The following MAGI2 variants were observed in gnomAD, a reference collection of about 807,000 sequenced individuals.
MAGI2 encodes membrane associated guanylate kinase, WW and PDZ domain containing 2, also known as membrane-associated guanylate kinase, WW and PDZ domain-containing protein 2.
A neutral mutation model predicts 133.3 loss-of-function variants in MAGI2; 35 were observed. That is an observed-to-expected ratio of 0.26 (90% CI 0.20 to 0.35). The LOEUF is 0.35. MAGI2 is among the 10% of genes least tolerant of loss of function. The probability of loss-of-function intolerance (pLI) is 1.00; values close to 1 mark genes in which losing one functional copy is unlikely to be tolerated. For missense variants in MAGI2, 1,636 were observed against 1,863.4 expected (o/e 0.88, Z 2.25); for synonymous variants, 729 against 710.6 (o/e 1.03, Z -0.41).
At chr7:79,219,733 AT>A (rs1233401950) in intron 1 of MAGI2, among the ~76,000 whole-genome samples, 1 of 150,104 alleles carries the variant, frequency 6.7e-6, no homozygotes, top group Non-Finnish European at 1.5e-5. Flanking sequence ...GCAAATCTTA[AT>A]TCAAGATATT....
At chr7:79,137,756 A>C (rs1821728578) in intron 1 of MAGI2, among the ~76,000 whole-genome samples, 1 of 151,982 alleles carries the variant, frequency 6.6e-6, no homozygotes, top group African/African-American at 2.4e-5. Context: ...AGCCACCATG[A>C]CCAGCCCAAA....
Position 78,080,726 on chromosome 7 carries a change from A to G in MAGI2, c.3568-1641T>C, listed in dbSNP as rs577781220. On this transcript the variant is annotated intron_variant, in intron 20 of 21. Transcript: ENST00000354212. Reference sequence around the variant, plus strand: ...TGTCCAACAGCAACTCTAACTCAACAGCAGTAGAAGCAGTAGACAGGGCTA... The same window carrying G: ...TGTCCAACAGCAACTCTAACTCAACGGCAGTAGAAGCAGTAGACAGGGCTA... 2.6e-5 allele frequency among the ~76,000 whole-genome samples: 4 copies of G among 152,298 alleles called. No homozygotes were observed. The South Asian group carries it at 8.3e-4, about 32-fold the overall frequency.
At chr7:79,177,999 A>G (rs117863480) in intron 1 of MAGI2, among the ~76,000 whole-genome samples, 4,733 of 152,196 alleles carry the variant, frequency 0.031, 121 homozygotes, top group Non-Finnish European at 0.047. Context: ...GATATAATCA[A>G]CTACTGAATG....
intron 2 of MAGI2, among the ~76,000 whole-genome samples, chr7:78,672,250 A>G (rs1180314566): frequency 6.6e-6 from 1 of 152,058 alleles, no homozygotes; most frequent in Non-Finnish European, 1.5e-5. Flanking sequence ...ACTGGTTGTT[A>G]AAAAGAGGCT....
At chr7:78,870,336 A>G (rs1010433864) in intron 2 of MAGI2, among the ~76,000 whole-genome samples, 3 of 146,908 alleles carry the variant, frequency 2.0e-5, no homozygotes, top group African/African-American at 7.5e-5. Flanking sequence ...CCTGGGTGAC[A>G]AAGTGAGACC....
intron 1 of MAGI2, among the ~76,000 whole-genome samples, chr7:79,435,291 T>C (rs62459009): frequency 0.08 from 12,181 of 152,264 alleles, 559 homozygotes; most frequent in Middle Eastern, 0.15. Flanking sequence ...TTCTACATAT[T>C]TTAAGGCATT....
intron 2 of MAGI2, among the ~76,000 whole-genome samples, chr7:78,968,455 G>C (rs553046340): frequency 6.6e-5 from 10 of 151,236 alleles, no homozygotes; most frequent in African/African-American, 2.4e-4. Flanking sequence ...TAATGTACAG[G>C]TCTTTTATCT....
intron 6 of MAGI2, among the ~76,000 whole-genome samples, chr7:78,450,675 G>A (rs1043777079): frequency 2.6e-5 from 4 of 151,858 alleles, no homozygotes; most frequent in African/African-American, 9.7e-5. Flanking sequence ...TGCACTTTTT[G>A]TCACTTTTGT....
chr7:78,656,979 A>C (rs1251794007), intron 2 of MAGI2, among the ~76,000 whole-genome samples: 1 of 149,508 alleles, frequency 6.7e-6, no homozygotes, highest in East Asian at 2.0e-4. Context: ...AGAAAACATA[A>C]AACCCAGTAT....
chr7:78,922,122 A>ATT (rs146162514), intron 2 of MAGI2, among the ~76,000 whole-genome samples: 1 of 146,142 alleles, frequency 6.8e-6, no homozygotes, highest in Non-Finnish European at 1.5e-5. Flanking sequence ...AGTACACTTG[A>ATT]TTCTTTCTTT....
chr7:78,659,613 A>T, intron 2 of MAGI2, among the ~76,000 whole-genome samples: 1 of 152,098 alleles, frequency 6.6e-6, no homozygotes, highest in East Asian at 1.9e-4. Flanking sequence ...AGAACAGATT[A>T]CTTGTTGCCA....
intron 2 of MAGI2, among the ~76,000 whole-genome samples, chr7:78,818,806 C>T (rs1789829793): frequency 6.6e-6 from 1 of 152,152 alleles, no homozygotes; most frequent in Middle Eastern, 3.4e-3. Flanking sequence ...TCCCCAAATG[C>T]ACCTTCTTGG....
intron 2 of MAGI2, among the ~76,000 whole-genome samples, chr7:78,725,042 T>C (rs969943987): frequency 1.3e-5 from 2 of 152,244 alleles, no homozygotes; most frequent in South Asian, 2.1e-4. Context: ...TGAAGGAGGA[T>C]TGCAAAGCTA....
intron 1 of MAGI2, among the ~76,000 whole-genome samples, chr7:79,299,351 T>A (rs1837199755): frequency 6.6e-6 from 1 of 151,626 alleles, no homozygotes; most frequent in Non-Finnish European, 1.5e-5. Context: ...GTTGTGAAAA[T>A]CTTGAGTTCT....
At position 78,471,621 on chromosome 7, in the gene MAGI2, A is replaced by G. The variant is rs568441954; in HGVS notation, c.1045+18140T>C. 3.9e-5 allele frequency among the ~76,000 whole-genome samples: 6 copies of G among 152,230 alleles called. No individual in the cohort carries two copies. In the South Asian group the frequency reaches 1.2e-3, roughly 32 times the overall value. On this transcript the variant is annotated intron_variant, in intron 6 of 21. Transcript: ENST00000354212. ...AAAACAGTTAAAAGTTAAATGATAC[A>G]GTTTACTTAATAATAGTAGGAGGGG...
chr7:79,162,182 G>C (rs982440365), intron 1 of MAGI2, among the ~76,000 whole-genome samples: 2 of 152,008 alleles, frequency 1.3e-5, no homozygotes, highest in African/African-American at 4.8e-5. Flanking sequence ...TAATCCTCTA[G>C]AGAGCACCAG....
intron 2 of MAGI2, among the ~76,000 whole-genome samples, chr7:78,732,655 A>T (rs1821481212): frequency 6.6e-6 from 1 of 152,182 alleles, no homozygotes; most frequent in South Asian, 2.1e-4. Context: ...AATTTTCAAG[A>T]TGTTTAAAAG....
intron 14 of MAGI2, among the ~76,000 whole-genome samples, chr7:78,172,060 C>T (rs1273389343): frequency 1.3e-5 from 2 of 152,162 alleles, no homozygotes; most frequent in Non-Finnish European, 2.9e-5. Context: ...TACTTTATCT[C>T]TCGCTGTGAG....
intron 2 of MAGI2, among the ~76,000 whole-genome samples, chr7:78,793,239 C>T (rs1022094554): frequency 1.3e-5 from 2 of 152,202 alleles, no homozygotes; most frequent in African/African-American, 4.8e-5. Context: ...GAGATATGCA[C>T]TGTGAAGGAA....
Sources: gnomAD v4.1 joint callset for allele counts (sites outside exome capture counted in the v4.1 genomes callset) on GRCh38, gnomAD v4.1.1 for gene constraint, MANE v1.5 for transcripts, NCBI Gene and HGNC (gene_info 2026-07-23, HGNC 2026-07-21) for gene names.